FCHSD2: variants seen among roughly 807,000 people sequenced by gnomAD.
FCHSD2 encodes F-BAR and double SH3 domains protein 2.
Under a neutral mutation model 108.1 loss-of-function variants are expected in FCHSD2, and 38 were observed. The observed-to-expected ratio is 0.35, with a 90% CI of 0.27 to 0.46. The LOEUF is 0.46. FCHSD2 is among the 20% of genes least tolerant of loss of function. The pLI, the probability that FCHSD2 is intolerant of heterozygous loss-of-function variation, is 1.00. For missense variants in FCHSD2, 751 were observed against 897.8 expected (o/e 0.84, Z 2.09); for synonymous variants, 279 against 314.7 (o/e 0.89, Z 1.20).
chr11:73,125,479 G>C (rs992481257), intron 2 of FCHSD2, among the ~76,000 whole-genome samples: 6 of 151,868 alleles, frequency 4.0e-5, no homozygotes, highest in African/African-American at 1.5e-4. Context: ...CCAAAGAAGG[G>C]GGACTGCTTG....
intron 2 of FCHSD2, among the ~76,000 whole-genome samples, chr11:73,130,642 C>T (rs1174761619): frequency 6.6e-6 from 1 of 152,120 alleles, no homozygotes; most frequent in South Asian, 2.1e-4. Context: ...GAGGTATTAC[C>T]AAAACCCTAA....
intron 16 of FCHSD2, 46 bp from the exon 17 acceptor site, chr11:72,842,887 G>A (rs750992653): frequency 9.3e-6 from 14 of 1,501,112 alleles, no homozygotes; most frequent in South Asian, 3.5e-5. Flanking sequence ...ATTAACAGCC[G>A]GTTGCTTTTG....
Position 73,136,377 on chromosome 11 carries a change from T to C in FCHSD2, c.119+3654A>G, listed in dbSNP as rs948818349. Among the ~76,000 whole-genome samples, 7 of 152,086 alleles carry C rather than the reference T, an allele frequency of 4.6e-5. No homozygotes were observed. The South Asian group carries it at 6.2e-4, about 14-fold the overall frequency. On this transcript the variant is annotated intron_variant, in intron 2 of 19. Coordinates refer to ENST00000409418, the MANE Select transcript of FCHSD2 (RefSeq NM_014824.3). ...AAGTTCAAGACCAGCCTGAGTAACA[T>C]GGTAAGACCCCATGTCTACAAAAAA...
chr11:73,087,412 A>G (rs556638237), intron 2 of FCHSD2, among the ~76,000 whole-genome samples: 1 of 152,324 alleles, frequency 6.6e-6, no homozygotes, highest in Non-Finnish European at 1.5e-5. Context: ...TACTGAAGAA[A>G]GAAAAGTTTT....
intron 8 of FCHSD2, among the ~76,000 whole-genome samples, chr11:72,939,225 G>A (rs1395362295): frequency 6.6e-6 from 1 of 152,094 alleles, no homozygotes; most frequent in Non-Finnish European, 1.5e-5. Flanking sequence ...CATTAGCAGA[G>A]GACGTTCAGG....
intron 3 of FCHSD2, among the ~76,000 whole-genome samples, chr11:73,077,284 C>G (rs577917798): frequency 8.6e-5 from 13 of 151,748 alleles, no homozygotes; most frequent in South Asian, 4.2e-4. Context: ...AGAATATATA[C>G]AGATGGCAAA....
At chr11:72,888,088 A>T (rs1399758419) in intron 11 of FCHSD2, among the ~76,000 whole-genome samples, 1 of 152,208 alleles carries the variant, frequency 6.6e-6, no homozygotes, top group Non-Finnish European at 1.5e-5. Context: ...AGTGACTGAG[A>T]ATGCCTATAT....
intron 5 of FCHSD2, among the ~76,000 whole-genome samples, 153 bp downstream of exon 5, chr11:73,000,837 G>A (rs553851737): frequency 3.3e-5 from 5 of 152,258 alleles, no homozygotes; most frequent in African/African-American, 7.2e-5. Context: ...AGTACTTAAT[G>A]AGAACATGTT....
intron 4 of FCHSD2, among the ~76,000 whole-genome samples, chr11:73,012,305 T>G (rs1857880439): frequency 6.6e-6 from 1 of 152,124 alleles, no homozygotes; most frequent in Non-Finnish European, 1.5e-5. Context: ...TAATTGCAGT[T>G]CTGTTAGAAA....
intron 2 of FCHSD2, among the ~76,000 whole-genome samples, chr11:73,136,383 G>A (rs748120938): frequency 6.6e-6 from 1 of 151,900 alleles, no homozygotes; most frequent in African/African-American, 2.4e-5. Context: ...AACATGGTAA[G>A]ACCCCATGTC....
chr11:73,052,781 C>CA (rs1229616771), intron 3 of FCHSD2, among the ~76,000 whole-genome samples: 2 of 151,766 alleles, frequency 1.3e-5, no homozygotes, highest in Non-Finnish European at 2.9e-5. Context: ...GATCAAAGGG[C>CA]AAAAAAAGAT....
chr11:72,902,449 C>T, intron 10 of FCHSD2, 94 bp downstream of exon 10: 2 of 733,676 alleles, frequency 2.7e-6, no homozygotes, highest in Non-Finnish European at 4.5e-6. Context: ...GAGATATACT[C>T]AGCTTTTTCT....
chr11:73,061,948 T>C (rs1021566872), intron 3 of FCHSD2, among the ~76,000 whole-genome samples: 5 of 152,138 alleles, frequency 3.3e-5, no homozygotes, highest in African/African-American at 1.2e-4. Flanking sequence ...CAGCACTGTG[T>C]TCGAGCTCTG....
At chr11:73,040,388 TG>T (rs1858606057) in intron 3 of FCHSD2, among the ~76,000 whole-genome samples, 1 of 152,210 alleles carries the variant, frequency 6.6e-6, no homozygotes, top group Non-Finnish European at 1.5e-5. Context: ...TTACAATACA[TG>T]TGAGATGTAT....
intron 3 of FCHSD2, among the ~76,000 whole-genome samples, chr11:73,056,461 A>G (rs1307727757): frequency 6.6e-6 from 1 of 152,226 alleles, no homozygotes; most frequent in African/African-American, 2.4e-5. Flanking sequence ...TCTAAAAGTC[A>G]TACATGTTCA....
chr11:72,931,816 T>C (rs1485739319), intron 8 of FCHSD2, among the ~76,000 whole-genome samples: 3 of 152,152 alleles, frequency 2.0e-5, no homozygotes, highest in Non-Finnish European at 2.9e-5. Context: ...CCAACAAACA[T>C]CTGTCAAATA....
At chr11:72,980,402 T>G (rs1857190096) in intron 8 of FCHSD2, among the ~76,000 whole-genome samples, 1 of 152,126 alleles carries the variant, frequency 6.6e-6, no homozygotes, top group Non-Finnish European at 1.5e-5. Flanking sequence ...TTATGGGGGC[T>G]CATCAGAGTT....
intron 10 of FCHSD2, among the ~76,000 whole-genome samples, chr11:72,901,289 C>A (rs1051775595): frequency 8.3e-5 from 9 of 108,084 alleles, no homozygotes; most frequent in Admixed American, 5.2e-4. Context: ...CCCAGCTAAT[C>A]GGGAGGCTGA....
At chr11:72,902,714 A>C (rs1432649837) in intron 9 of FCHSD2, 76 bp from the exon 10 acceptor site, 3 of 853,082 alleles carry the variant, frequency 3.5e-6, no homozygotes, top group Non-Finnish European at 5.4e-6. Context: ...TTTAAGATTT[A>C]TTCTGCTATT....
Sources: allele counts gnomAD v4.1 joint callset (sites outside exome capture counted in the v4.1 genomes callset), GRCh38; gene constraint gnomAD v4.1.1; transcripts MANE v1.5; gene names NCBI Gene and HGNC (gene_info 2026-07-23, HGNC 2026-07-21).